Variants in NTAN1 observed in about 807,000 individuals in gnomAD.
NTAN1 encodes the protein N-terminal asparagine amidase.
NTAN1 carries 32 observed loss-of-function variants against 41.9 expected under a neutral mutation model. The ratio of observed to expected loss-of-function variants is 0.76; its 90% confidence interval spans 0.58 to 1.03. The LOEUF is 1.03. Ranked by LOEUF, NTAN1 falls within the 50% of genes least tolerant of loss-of-function variation. The pLI is 0.00. For missense variants in NTAN1, 377 were observed against 377.5 expected, an observed-to-expected ratio of 1.00 and a Z score of 0.01; for synonymous variants, 140 against 139.5, an observed-to-expected ratio of 1.00 and a Z score of -0.03.
intron 8 of NTAN1, 119 bp from the exon 9 acceptor site, chr16:15,038,806 A>C (rs2043670577): frequency 1.2e-5 from 7 of 600,482 alleles, no homozygotes; most frequent in Non-Finnish European, 2.0e-5. Flanking sequence ...GCTTCTTAAA[A>C]CCTGTCTCAA....
chr16:15,056,003 A>G lies in NTAN1; in HGVS notation c.-32T>C. On this transcript the variant is annotated 5_prime_UTR_variant, in exon 1 of 10. Coordinates refer to ENST00000287706, the MANE Select transcript of NTAN1 (RefSeq NM_173474.4). The stretch of plus-strand genomic sequence containing the variant: ...GGCGGCCGCCCAGGCAGGCCCAGGG[A>G]GGCGGCGGCCCCCCGCTTTGCAGCC... 1 of 1,159,520 alleles carries G rather than the reference A, an allele frequency of 8.6e-7. No homozygotes were observed. The highest frequency in any genetic ancestry group is 1.1e-6 in the Non-Finnish European group (1 of 932,316). 71.8% of individuals were successfully genotyped at this position (1,159,520 alleles called of 1,614,324 possible). A position where few individuals can be genotyped will look rare whatever the true frequency, so the allele number is the denominator to read the frequency against.
At chr16:15,038,521 TG>T in intron 9 of NTAN1, 52 bp downstream of exon 9, 2 of 1,018,482 alleles carry the variant, frequency 2.0e-6, no homozygotes, top group Non-Finnish European at 3.0e-6. Context: ...TTCTTACAGA[TG>T]GGGAAACCAG....
rs753207802 is a variant in NTAN1, at chr16:15,038,050, A to G, written c.914T>C (p.Ile305Thr). 1 of 1,612,316 alleles carries G rather than the reference A, an allele frequency of 6.2e-7. No homozygotes were observed. Among genetic ancestry groups the G allele is most frequent in the Non-Finnish European group, 8.5e-7 (1 of 1,179,300 alleles). Residue 305 changes from isoleucine to threonine, a missense_variant, in exon 10 of 10, where the codon ATC (isoleucine) becomes ACC (threonine). Coordinates refer to ENST00000287706, the MANE Select transcript of NTAN1 (RefSeq NM_173474.4). Reference sequence around the variant, plus strand: ...TGTTTTTTAACTTCCTGGAGAAGAGATCTTTTCCCACAAGCCATCTTCATT... The same window carrying G: ...TGTTTTTTAACTTCCTGGAGAAGAGGTCTTTTCCCACAAGCCATCTTCATT... ...KKNEDGLWEKISSPGS is the reference protein window; with the variant it reads ...KKNEDGLWEKTSSPGS
At position 15,055,898 on chromosome 16, in the gene NTAN1, G is replaced by A. The variant is rs2044492807; in HGVS notation, c.74C>T (p.Pro25Leu). 8.1e-7 allele frequency: 1 copy of A among 1,230,332 alleles called. No homozygotes were observed. The highest frequency in any genetic ancestry group is 1.0e-6 in the Non-Finnish European group (1 of 985,864). 76.2% of individuals were successfully genotyped at this position (1,230,332 alleles called of 1,614,324 possible). A position where few individuals can be genotyped will look rare whatever the true frequency, so the allele number is the denominator to read the frequency against. ...GCGCCGCGCCCCACTCACCTCCAAA[G>A]GCGGGTGGGCTCGGACGAGGTCCCC... ...SAGDLVRAHP[P>L]LEERARLLRG... The change falls in exon 1 of 10, where the codon CCT becomes CTT. Residue 25 changes from proline to leucine, a missense_variant. Physicochemically the swap from Pro to Leu is moderately conservative, Grantham distance 98. Transcript: ENST00000287706.
In NTAN1 at chr16:15,044,317, A is replaced by G; in HGVS notation, c.433+17T>C. 6.3e-7 allele frequency: 1 copy of G among 1,587,348 alleles called. No individual in the cohort carries two copies. The highest frequency in any genetic ancestry group is 8.6e-7 in the Non-Finnish European group (1 of 1,156,708). ...TTTATGTCCAATTTGGGGGAAAGAAAAAAAAAATGAACTTACTAAGAAGTT... is the reference window on the plus strand; with the variant it reads ...TTTATGTCCAATTTGGGGGAAAGAAGAAAAAAATGAACTTACTAAGAAGTT... On this transcript the variant is annotated intron_variant, in intron 5 of 9. Coordinates refer to ENST00000287706, the MANE Select transcript of NTAN1 (RefSeq NM_173474.4).
intron 9 of NTAN1, 152 bp downstream of exon 9, chr16:15,038,422 A>G (rs1054161949): frequency 9.6e-6 from 6 of 624,584 alleles, no homozygotes; most frequent in Non-Finnish European, 1.7e-5. Flanking sequence ...CCCATTTGAT[A>G]TACAAGTTAA....
intron 1 of NTAN1, among the ~76,000 whole-genome samples, chr16:15,053,660 C>G (rs1034281851): frequency 6.6e-6 from 1 of 152,078 alleles, no homozygotes. Flanking sequence ...CCGGTAATCC[C>G]AGCACTTTGG....
In NTAN1 at chr16:15,056,070, G is replaced by C. The variant is rs1200444717; in HGVS notation, c.-99C>G. ...CCCCGCCCCTCGGGCCGCGCGTCCC[G>C]CCTCGTCCTGCCCCGCCCCACCGCG... On this transcript the variant is annotated 5_prime_UTR_variant, in exon 1 of 10. Coordinates refer to ENST00000287706, the MANE Select transcript of NTAN1 (RefSeq NM_173474.4). 2.7e-6 allele frequency: 1 copy of C among 367,830 alleles called. No individual in the cohort carries two copies. The highest frequency in any genetic ancestry group is 3.9e-6 in the Non-Finnish European group (1 of 257,284). The allele number at this position is 367,830 out of a possible 1,614,324, so 22.8% of individuals were successfully genotyped here.
intron 1 of NTAN1, among the ~76,000 whole-genome samples, chr16:15,050,387 T>A (rs2044248492): frequency 6.6e-6 from 1 of 152,220 alleles, no homozygotes; most frequent in African/African-American, 2.4e-5. Context: ...TTCTATCAGC[T>A]TCTTGCCATT....
In NTAN1 at chr16:15,040,024, T is replaced by G. The variant is rs767376725; in HGVS notation, c.584A>C (p.Gln195Pro). The change falls in exon 8 of 10, where the codon CAA becomes CCA. Residue 195 changes from glutamine (Q) to proline (P), a missense_variant. Physicochemically the swap from Gln to Pro is moderately conservative, Grantham distance 76 (BLOSUM62 -1). Coordinates refer to ENST00000287706, the MANE Select transcript of NTAN1 (RefSeq NM_173474.4). The stretch of plus-strand genomic sequence containing the variant: ...AAGCTGCTCCTCCGGACCCCGATCT[T>G]GAAAGGATGCTCTGTAAATCTCTGC... ...KTAEIYRASF[Q>P]DRGPEEQLRA... The G allele has an allele frequency of 3.7e-6, 6 of 1,612,124 alleles. No homozygotes were observed. The highest frequency in any genetic ancestry group is 5.1e-6 in the Non-Finnish European group (6 of 1,178,502).
intron 5 of NTAN1, among the ~76,000 whole-genome samples, chr16:15,042,330 C>G (rs1234560765): frequency 6.6e-6 from 1 of 151,872 alleles, no homozygotes; most frequent in Non-Finnish European, 1.5e-5. Context: ...GGATTACAGA[C>G]TTGCGCCACC....
intron 1 of NTAN1, among the ~76,000 whole-genome samples, chr16:15,054,455 A>C (rs2044420607): frequency 6.6e-6 from 1 of 152,198 alleles, no homozygotes; most frequent in Non-Finnish European, 1.5e-5. Context: ...AGCATCCCCT[A>C]AATTCTTCAG....
rs2151741148 is a variant in NTAN1, at chr16:15,055,996, C to T, written c.-25G>A. 4 of 1,186,674 alleles carry T rather than the reference C, an allele frequency of 3.4e-6. No individual in the cohort carries two copies. The East Asian group carries it at 1.4e-4, about 40-fold the overall frequency. The allele number at this position is 1,186,674 out of a possible 1,614,324, so 73.5% of individuals were successfully genotyped here. A position where few individuals can be genotyped will look rare whatever the true frequency, so the allele number is the denominator to read the frequency against. On this transcript the variant is annotated 5_prime_UTR_variant, in exon 1 of 10. Coordinates refer to ENST00000287706, the MANE Select transcript of NTAN1 (RefSeq NM_173474.4). ...TCGCGGAGGCGGCCGCCCAGGCAGG[C>T]CCAGGGAGGCGGCGGCCCCCCGCTT...
intron 1 of NTAN1, among the ~76,000 whole-genome samples, chr16:15,051,250 ATG>A (rs1242495239): frequency 1.3e-5 from 2 of 152,260 alleles, no homozygotes; most frequent in Admixed American, 6.5e-5. Flanking sequence ...ACCAAAAATC[ATG>A]TCTCTCTTCA....
At chr16:15,045,527 C>G (rs1490240055) in intron 4 of NTAN1, 1 of 151,754 alleles carries the variant, frequency 6.6e-6, no homozygotes, top group Non-Finnish European at 1.5e-5. Flanking sequence ...TTCCCAGCTA[C>G]GCGGGAGGCA....
intron 8 of NTAN1, among the ~76,000 whole-genome samples, chr16:15,039,241 A>G (rs1469203806): frequency 3.3e-5 from 5 of 152,228 alleles, no homozygotes; most frequent in Non-Finnish European, 7.3e-5. Flanking sequence ...TATGTTCTGA[A>G]TATCAACTAA....
chr16:15,038,316 A>G, intron 9 of NTAN1, 106 bp from the exon 10 acceptor site: 2 of 821,918 alleles, frequency 2.4e-6, no homozygotes, highest in Non-Finnish European at 3.8e-6. Flanking sequence ...TATATAATAA[A>G]ATACGTTAAG....
chr16:15,041,531 A>G (rs2043815816), intron 6 of NTAN1, 92 bp downstream of exon 6: 1 of 851,778 alleles, frequency 1.2e-6, no homozygotes, highest in Non-Finnish European at 2.1e-6. Context: ...CAGTGACAGC[A>G]GTGTGTGCCG....
chr16:15,041,756 G>A, intron 5 of NTAN1, 80 bp from the exon 6 acceptor site: 1 of 1,021,102 alleles, frequency 9.8e-7, no homozygotes, highest in Non-Finnish European at 1.6e-6. Flanking sequence ...GCCAACGACA[G>A]GGAGGGACGG....
Sources: gnomAD v4.1 joint callset for allele counts (sites outside exome capture counted in the v4.1 genomes callset) on GRCh38, gnomAD v4.1.1 for gene constraint, MANE v1.5 for transcripts, NCBI Gene and HGNC (gene_info 2026-07-23, HGNC 2026-07-21) for gene names.